Variants in ARHGEF4 observed in about 807,000 individuals in gnomAD.
ARHGEF4 encodes the protein APC-stimulated guanine nucleotide exchange factor 1.
In ARHGEF4, 119 loss-of-function variants were observed where a neutral mutation model predicts 162.0. The ratio of observed to expected loss-of-function variants is 0.73; its 90% CI spans 0.63 to 0.86. The LOEUF (loss-of-function observed/expected upper bound fraction) is 0.86, where lower values mean the gene tolerates loss of function less well. ARHGEF4 is among the 40% of genes least tolerant of loss of function. The pLI is 0.00. For missense variants in ARHGEF4, 2,488 were observed against 2,456.0 expected (o/e 1.01, Z -0.28); for synonymous variants, 1,014 against 979.9 (o/e 1.03, Z -0.65).
intron 2 of ARHGEF4, among the ~76,000 whole-genome samples, chr2:130,921,275 G>A (rs914749252): frequency 1.3e-5 from 2 of 152,142 alleles, no homozygotes; most frequent in Non-Finnish European, 2.9e-5. Context: ...GCAGGGGCGG[G>A]CGGATCACGA....
intron 1 of ARHGEF4, among the ~76,000 whole-genome samples, chr2:130,901,007 A>G (rs1680457399): frequency 6.6e-6 from 1 of 152,082 alleles, no homozygotes; most frequent in Non-Finnish European, 1.5e-5. Flanking sequence ...CCTGACCCAC[A>G]GGATAGAGAG....
chr2:131,033,565 A>G (rs1690014431), intron 5 of ARHGEF4, among the ~76,000 whole-genome samples: 1 of 152,152 alleles, frequency 6.6e-6, no homozygotes, highest in Non-Finnish European at 1.5e-5. Context: ...TGCACAATGA[A>G]GCATCCACAC....
At chr2:130,904,478 T>A (rs1029706119) in intron 1 of ARHGEF4, among the ~76,000 whole-genome samples, 1 of 152,014 alleles carries the variant, frequency 6.6e-6, no homozygotes, top group African/African-American at 2.4e-5. Context: ...GAAATAGAAG[T>A]TGCCACCTGA....
intron 8 of ARHGEF4, among the ~76,000 whole-genome samples, chr2:131,040,657 AGCAGAGGGCTGGGG>A (rs1003960234): frequency 6.6e-6 from 1 of 152,176 alleles, no homozygotes; most frequent in African/African-American, 2.4e-5. Context: ...CGCTCCTGGG[AGCAGAGGGCTGGGG>A]CGTCCCCCAG....
chr2:130,910,706 G>A (rs1422773675), intron 1 of ARHGEF4, among the ~76,000 whole-genome samples: 1 of 152,120 alleles, frequency 6.6e-6, no homozygotes, highest in Non-Finnish European at 1.5e-5. Flanking sequence ...ACGCCCATGG[G>A]ACATCTCCAA....
At chr2:130,995,565 A>T (rs1468010380) in intron 4 of ARHGEF4, among the ~76,000 whole-genome samples, 2 of 152,184 alleles carry the variant, frequency 1.3e-5, no homozygotes, top group East Asian at 3.9e-4. Flanking sequence ...TTATTTGGTT[A>T]TGAATAAAGT....
At chr2:130,853,697 C>A (rs997149790) in intron 1 of ARHGEF4, among the ~76,000 whole-genome samples, 4 of 152,154 alleles carry the variant, frequency 2.6e-5, no homozygotes, top group Non-Finnish European at 5.9e-5. Flanking sequence ...GTGCGGTCTG[C>A]CCCTCTCCAG....
rs139278622 is a variant in ARHGEF4 at position 130,998,004 on chromosome 2, C to T, written c.3986-29941C>T. Among the ~76,000 whole-genome samples, 3 of 152,264 alleles carry T rather than the reference C, an allele frequency of 2.0e-5. No homozygotes were observed. The East Asian group carries it at 5.8e-4, about 29-fold the overall frequency. On this transcript the variant is annotated intron_variant, in intron 4 of 13. Coordinates refer to ENST00000409359, the MANE Select transcript of ARHGEF4 (RefSeq NM_001367493.1). Reference sequence around the variant, plus strand: ...GATAGTGTCCAGCTATACATGGATTCACTCTGTGTGTCATGAGCCACACCA... The same window carrying T: ...GATAGTGTCCAGCTATACATGGATTTACTCTGTGTGTCATGAGCCACACCA...
intron 4 of ARHGEF4, among the ~76,000 whole-genome samples, chr2:130,999,374 T>G (rs933681119): frequency 3.3e-5 from 5 of 152,048 alleles, no homozygotes; most frequent in African/African-American, 1.2e-4. Flanking sequence ...GCCAGGATGG[T>G]CTCGATCTCC....
At chr2:130,946,869 G>A (rs558224768) in intron 4 of ARHGEF4, 13 of 405,808 alleles carry the variant, frequency 3.2e-5, no homozygotes, top group South Asian at 3.0e-4. Flanking sequence ...TTGAGAGGCT[G>A]AAGCAGGCGG....
At chr2:131,001,660 ACT>A (rs1687777117) in intron 4 of ARHGEF4, among the ~76,000 whole-genome samples, 1 of 151,978 alleles carries the variant, frequency 6.6e-6, no homozygotes, top group African/African-American at 2.4e-5. Flanking sequence ...TCCTAGATAA[ACT>A]CTTCCATGTA....
rs34020875 is a variant in ARHGEF4, at chr2:130,937,669, A to ATT, written c.3858+6427_3858+6428dup. Among the ~76,000 whole-genome samples the ATT allele has an allele frequency of 2.5e-3, 351 of 140,870 alleles. 2 individuals carry two copies. The highest frequency in any genetic ancestry group is 0.011 in the Middle Eastern group (3 of 270). The allele number at this position is 140,870 out of a possible 152,430, so 92.4% of individuals were successfully genotyped here. On this transcript the variant is annotated intron_variant, in intron 3 of 13. Transcript: ENST00000409359. ...TACTTTCTTGTGTCTTTGTATCATA[A>ATT]TTTTTTTTTTTTTTTTGAGACAGAA...
chr2:130,994,884 G>A (rs920174441), intron 4 of ARHGEF4, among the ~76,000 whole-genome samples: 1 of 152,142 alleles, frequency 6.6e-6, no homozygotes, highest in African/African-American at 2.4e-5. Flanking sequence ...GATTTCCATT[G>A]CTTCTGTTGA....
Position 130,933,014 on chromosome 2 carries a change from G to A in ARHGEF4, c.3858+1757G>A, listed in dbSNP as rs766177571. Reference sequence around the variant, plus strand: ...GTGGATCACTTAAGGCCAGAAGTTCGACGTCAGCCTGGACAACATGGTGAA... The same window carrying A: ...GTGGATCACTTAAGGCCAGAAGTTCAACGTCAGCCTGGACAACATGGTGAA... On this transcript the variant is annotated intron_variant, in intron 3 of 13. Transcript: ENST00000409359. 4.6e-5 allele frequency among the ~76,000 whole-genome samples: 7 copies of A among 152,072 alleles called. No homozygotes were observed. In the East Asian group the frequency reaches 7.7e-4, roughly 17 times the overall value.
chr2:130,854,852 T>TTATTTATC (rs1681655235), intron 1 of ARHGEF4, among the ~76,000 whole-genome samples: 1 of 93,312 alleles, frequency 1.1e-5, no homozygotes, highest in Non-Finnish European at 2.0e-5. Context: ...TGACTTTTAT[T>TTATTTATC]TATTTATTTA....
intron 5 of ARHGEF4, among the ~76,000 whole-genome samples, chr2:131,032,464 C>G (rs1689917674): frequency 6.6e-6 from 1 of 151,990 alleles, no homozygotes; most frequent in African/African-American, 2.4e-5. Context: ...AGGGAGGAGC[C>G]TGATGGCTGT....
intron 3 of ARHGEF4, among the ~76,000 whole-genome samples, chr2:130,936,669 A>G (rs988882046): frequency 1.4e-4 from 22 of 151,996 alleles, no homozygotes; most frequent in African/African-American, 4.8e-4. Context: ...TCCCTTGTAC[A>G]TGGTGAATTA....
intron 4 of ARHGEF4, among the ~76,000 whole-genome samples, chr2:131,004,140 A>T (rs1371883975): frequency 2.0e-5 from 3 of 151,952 alleles, no homozygotes; most frequent in African/African-American, 7.3e-5. Flanking sequence ...GAATCAAGGA[A>T]TCTCTGTTAG....
intron 4 of ARHGEF4, among the ~76,000 whole-genome samples, chr2:131,008,480 C>G (rs963535204): frequency 1.6e-4 from 25 of 152,154 alleles, no homozygotes; most frequent in African/African-American, 5.5e-4. Context: ...ATTACCATCA[C>G]AACAGTCTCT....
Sources: gnomAD v4.1 joint callset for allele counts (sites outside exome capture counted in the v4.1 genomes callset) on GRCh38, gnomAD v4.1.1 for gene constraint, MANE v1.5 for transcripts, NCBI Gene and HGNC (gene_info 2026-07-23, HGNC 2026-07-21) for gene names.